CSMD1: variants seen among roughly 807,000 people sequenced by gnomAD.
CSMD1 encodes CUB and Sushi multiple domains 1.
In CSMD1, 213 loss-of-function variants were observed where a neutral mutation model predicts 417.5. That is an observed-to-expected ratio of 0.51 (90% CI 0.46 to 0.57). The LOEUF (loss-of-function observed/expected upper bound fraction) is 0.57. CSMD1 is among the 20% of genes least tolerant of loss of function. The pLI is 0.00. For synonymous variants in CSMD1, 2,862 were observed against 1,736.8 expected (o/e 1.65, Z -16.11); for missense variants, 6,923 against 4,529.7 (o/e 1.53, Z -15.17).
intron 1 of CSMD1, among the ~76,000 whole-genome samples, chr8:4,816,448 A>C (rs926349721): frequency 2.0e-5 from 3 of 152,022 alleles, no homozygotes; most frequent in Non-Finnish European, 2.9e-5. Context: ...GGCTCGTCCC[A>C]AACTCCTGAC....
chr8:4,099,541 A>G (rs1337479819), intron 3 of CSMD1, among the ~76,000 whole-genome samples: 1 of 152,138 alleles, frequency 6.6e-6, no homozygotes, highest in Non-Finnish European at 1.5e-5. Flanking sequence ...ACCTTTGTGA[A>G]CAAACTGAAG....
At position 3,118,393 on chromosome 8, in the gene CSMD1, A is replaced by G. The variant is rs751478315; in HGVS notation, c.6430+6T>C. ...AAATCGCCCCCATGCAAAGTGATGA[A>G]CTTACCATCACATCTTGGAAAAGGG... On this transcript the variant is annotated splice_donor_region_variant and intron_variant, in intron 42 of 69. Coordinates refer to ENST00000635120, the MANE Select transcript of CSMD1 (RefSeq NM_033225.6). 6.2e-7 allele frequency: 1 copy of G among 1,606,786 alleles called. No individual in the cohort carries two copies. Among genetic ancestry groups the G allele is most frequent in the Admixed American group, 1.7e-5 (1 of 59,684 alleles).
intron 10 of CSMD1, among the ~76,000 whole-genome samples, chr8:3,541,284 C>A (rs928885940): frequency 6.6e-6 from 1 of 152,088 alleles, no homozygotes; most frequent in Admixed American, 6.5e-5. Context: ...GAACAGAAAA[C>A]CAAATACTGC....
chr8:3,022,562 G>A (rs934788336), intron 51 of CSMD1, among the ~76,000 whole-genome samples: 3 of 151,966 alleles, frequency 2.0e-5, no homozygotes, highest in Admixed American at 2.0e-4. Context: ...CTTGTATTGT[G>A]ACATATCAGT....
intron 4 of CSMD1, among the ~76,000 whole-genome samples, chr8:4,029,861 G>C (rs993985943): frequency 1.1e-4 from 17 of 151,848 alleles, no homozygotes; most frequent in Admixed American, 7.9e-4. Flanking sequence ...CACAAGAATT[G>C]GGTAAATACA....
intron 5 of CSMD1, among the ~76,000 whole-genome samples, chr8:3,848,644 A>G (rs1803674677): frequency 6.6e-6 from 1 of 152,148 alleles, no homozygotes; most frequent in African/African-American, 2.4e-5. Context: ...ATGGAATTTA[A>G]TTTTAAAGCC....
At chr8:4,077,315 A>G (rs1323130394) in intron 3 of CSMD1, among the ~76,000 whole-genome samples, 1 of 142,518 alleles carries the variant, frequency 7.0e-6, no homozygotes, top group African/African-American at 2.7e-5. Flanking sequence ...ATATATATAT[A>G]TATATATGGT....
chr8:4,874,296 T>C (rs1353282571), intron 1 of CSMD1, among the ~76,000 whole-genome samples: 2 of 152,112 alleles, frequency 1.3e-5, no homozygotes, highest in African/African-American at 2.4e-5. Flanking sequence ...TCTAAATTTC[T>C]ATTTATCAAT....
At chr8:3,283,626 C>T (rs965244731) in intron 26 of CSMD1, among the ~76,000 whole-genome samples, 3 of 152,156 alleles carry the variant, frequency 2.0e-5, no homozygotes, top group African/African-American at 7.2e-5. Context: ...TGCCCTGAAG[C>T]AGGGCATAGA....
At chr8:3,805,004 T>A (rs1204499647) in intron 5 of CSMD1, among the ~76,000 whole-genome samples, 1 of 152,168 alleles carries the variant, frequency 6.6e-6, no homozygotes, top group African/African-American at 2.4e-5. Flanking sequence ...TCACTTCTTC[T>A]GGTCTTGAAG....
chr8:4,688,268 G>A (rs1242955678), intron 1 of CSMD1, among the ~76,000 whole-genome samples: 1 of 152,064 alleles, frequency 6.6e-6, no homozygotes, highest in African/African-American at 2.4e-5. Flanking sequence ...TATGTATATT[G>A]ATCTAACATA....
chr8:4,783,769 T>C (rs994109955), intron 1 of CSMD1, among the ~76,000 whole-genome samples: 1 of 152,202 alleles, frequency 6.6e-6, no homozygotes, highest in Non-Finnish European at 1.5e-5. Context: ...ATCCAGCTGG[T>C]GATGCCTCAT....
chr8:3,704,627 T>G (rs917627639), intron 7 of CSMD1: 3 of 152,220 alleles, frequency 2.0e-5, no homozygotes, highest in African/African-American at 7.2e-5. Flanking sequence ...AAAGCTTTCT[T>G]CTCTCGCTTA....
chr8:4,788,584 A>G (rs2117222052), intron 1 of CSMD1: 9 of 1,231,752 alleles, frequency 7.3e-6, no homozygotes, highest in Non-Finnish European at 1.0e-5. Context: ...AATGTAATTT[A>G]TAAGAAACAA....
intron 5 of CSMD1, among the ~76,000 whole-genome samples, chr8:3,840,597 T>C (rs1204693714): frequency 6.6e-6 from 1 of 152,018 alleles, no homozygotes; most frequent in Non-Finnish European, 1.5e-5. Flanking sequence ...TGTGAGTGTA[T>C]GTATAGGTGT....
chr8:4,893,415 C>T (rs1370756), intron 1 of CSMD1, among the ~76,000 whole-genome samples: 1 of 151,884 alleles, frequency 6.6e-6, no homozygotes, highest in Non-Finnish European at 1.5e-5. Context: ...TGTTTATATT[C>T]ACAAAGATGT....
At chr8:4,675,158 C>A (rs1357931263) in intron 1 of CSMD1, among the ~76,000 whole-genome samples, 5 of 152,180 alleles carry the variant, frequency 3.3e-5, no homozygotes, top group Admixed American at 6.5e-5. Flanking sequence ...TATATAGTTT[C>A]AGTTTTTTCT....
At position 3,528,953 on chromosome 8, in the gene CSMD1, A is replaced by G. The variant is rs183130826; in HGVS notation, c.1345-35227T>C. On this transcript the variant is annotated intron_variant, in intron 10 of 69. Coordinates refer to ENST00000635120, the MANE Select transcript of CSMD1 (RefSeq NM_033225.6). The stretch of plus-strand genomic sequence containing the variant: ...TATAATCCTTAGATAATTACATGCC[A>G]GTGAAAAGTATGACAGTTGATATAC... 2.2e-3 allele frequency among the ~76,000 whole-genome samples: 332 copies of G among 152,374 alleles called. 2 individuals are homozygous for G. Among genetic ancestry groups the G allele is most frequent in the Non-Finnish European group, 2.2e-3 (152 of 68,034 alleles).
chr8:3,138,616 T>C (rs73489965), intron 41 of CSMD1, among the ~76,000 whole-genome samples: 4,038 of 152,228 alleles, frequency 0.027, 159 homozygotes, highest in African/African-American at 0.091. Flanking sequence ...GGGTATTACA[T>C]AGAAACAGTT....
Sources: gnomAD v4.1 joint callset for allele counts (sites outside exome capture counted in the v4.1 genomes callset) on GRCh38, gnomAD v4.1.1 for gene constraint, MANE v1.5 for transcripts, NCBI Gene and HGNC (gene_info 2026-07-23, HGNC 2026-07-21) for gene names.